COBL: variants seen among roughly 807,000 people sequenced by gnomAD.
COBL encodes protein cordon-bleu.
COBL carries 51 observed loss-of-function variants against 98.8 expected under a neutral mutation model. That is an observed-to-expected ratio of 0.52 (90% CI 0.41 to 0.65). COBL has a LOEUF of 0.65. Ranked by LOEUF, COBL falls within the 30% of genes least tolerant of loss-of-function variation. COBL has a pLI of 0.00. For synonymous variants in COBL, 634 were observed against 651.7 expected, an observed-to-expected ratio of 0.97 and a Z score of 0.41; for missense variants, 1,617 against 1,617.5, an observed-to-expected ratio of 1.00 and a Z score of 0.01.
Position 51,029,546 on chromosome 7 carries a change from G to C in COBL, c.1550C>G (p.Ser517Cys), listed in dbSNP as rs770351240. The C allele has an allele frequency of 6.2e-7, 1 of 1,610,638 alleles. No individual in the cohort carries two copies. Among genetic ancestry groups the C allele is most frequent in the East Asian group, 2.2e-5 (1 of 44,758 alleles). Residue 517 changes from serine (S) to cysteine (C), a missense_variant, in exon 10 of 13, where the codon TCC (serine) becomes TGC (cysteine). Ser to Cys is a moderately radical substitution (Grantham distance 112). This residue lies in a region of COBL where 1,304 missense variants were observed against 1,282.0 expected (regional missense o/e 1.02). Transcript: ENST00000265136. ...YETDTSSLTS[S>C]IHGASNHCPQ... ...GCAGTGGTTGGATGCACCATGGATG[G>C]AGCTGGTGAGGGAGCTGGTGTCTGT... is the stretch of plus-strand genomic sequence containing the variant.
intron 6 of COBL, among the ~76,000 whole-genome samples, chr7:51,087,327 A>G (rs1183278133): frequency 6.6e-6 from 1 of 152,182 alleles, no homozygotes; most frequent in African/African-American, 2.4e-5. Flanking sequence ...TGTATAATGT[A>G]TATCATAATT....
At chr7:51,067,812 T>G (rs1353410394) in intron 7 of COBL, among the ~76,000 whole-genome samples, 1 of 152,228 alleles carries the variant, frequency 6.6e-6, no homozygotes, top group East Asian at 1.9e-4. Flanking sequence ...TATGTTTCTT[T>G]CCATTCTCTT....
chr7:51,118,595 G>C (rs1366085849), intron 6 of COBL, among the ~76,000 whole-genome samples: 1 of 151,866 alleles, frequency 6.6e-6, no homozygotes, highest in South Asian at 2.1e-4. Context: ...TCAAGGAGAA[G>C]GGCTCATACA....
At chr7:51,041,478 CTTTTTT>C (rs773830122) in intron 8 of COBL, among the ~76,000 whole-genome samples, 20 of 80,026 alleles carry the variant, frequency 2.5e-4, no homozygotes, top group South Asian at 5.5e-4. Flanking sequence ...TATTTCTTTC[CTTTTTT>C]TTTTTTTTTT....
intron 1 of COBL, among the ~76,000 whole-genome samples, chr7:51,282,836 A>G (rs61582481): frequency 0.014 from 2,165 of 152,264 alleles, 42 homozygotes; most frequent in African/African-American, 0.049. Flanking sequence ...AAAAAATTAC[A>G]AGGCATACAA....
chr7:51,290,981 T>C (rs1044340941), intron 1 of COBL, among the ~76,000 whole-genome samples: 11 of 152,188 alleles, frequency 7.2e-5, no homozygotes, highest in Admixed American at 1.3e-4. Context: ...CCACGTCTTC[T>C]TTAGGTCTCC....
intron 5 of COBL, chr7:51,156,472 T>G: frequency 1.0e-6 from 1 of 985,086 alleles, no homozygotes; most frequent in Non-Finnish European, 1.2e-6. Context: ...CCCAGAATTA[T>G]TCAGTTTTAT....
chr7:51,298,474 C>G (rs2129198891), intron 1 of COBL, among the ~76,000 whole-genome samples: 1 of 152,354 alleles, frequency 6.6e-6, no homozygotes, highest in Middle Eastern at 3.4e-3. Flanking sequence ...CATTCTCCAC[C>G]ATTTCTGAGC....
At chr7:51,148,486 T>C (rs559952580) in intron 5 of COBL, among the ~76,000 whole-genome samples, 298 of 152,346 alleles carry the variant, frequency 2.0e-3, no homozygotes, top group African/African-American at 6.4e-3. Context: ...ATCTTCTCTC[T>C]GACACAGCGG....
chr7:51,016,586 T>G lies in COBL; in HGVS notation c.*965A>C. 1 of 204,282 alleles carries G rather than the reference T, an allele frequency of 4.9e-6. No individual in the cohort carries two copies. The highest frequency in any genetic ancestry group is 1.9e-4 in the South Asian group (1 of 5,288). 12.7% of individuals were successfully genotyped at this position (204,282 alleles called of 1,614,324 possible). On this transcript the variant is annotated 3_prime_UTR_variant, in exon 13 of 13. Coordinates refer to ENST00000265136, the MANE Select transcript of COBL (RefSeq NM_015198.5). ...TATCATACAAAGGGAGCCAATGAGC[T>G]GTTGGACAAACGCGTCAAGGCTGAA... is the stretch of plus-strand genomic sequence containing the variant.
chr7:51,273,818 T>C (rs1331345567), intron 1 of COBL, among the ~76,000 whole-genome samples: 1 of 152,192 alleles, frequency 6.6e-6, no homozygotes, highest in East Asian at 1.9e-4. Flanking sequence ...ACTTAAACAC[T>C]TCAGTGTTTT....
Position 51,279,485 on chromosome 7 carries a change from C to T in COBL, c.41+37108G>A, listed in dbSNP as rs540322429. On this transcript the variant is annotated intron_variant, in intron 1 of 12. Coordinates refer to ENST00000265136, the MANE Select transcript of COBL (RefSeq NM_015198.5). ...TCTAAAATAGACTTTTTTCTTTTAG[C>T]AGTTTTAAGTTCAAAGCAAAGTTGA... Among the ~76,000 whole-genome samples the T allele has an allele frequency of 1.2e-4, 18 of 152,176 alleles. 2 individuals are homozygous for T. The South Asian group carries it at 3.7e-3, about 32-fold the overall frequency.
chr7:51,158,986 C>T (rs772797006), intron 5 of COBL, among the ~76,000 whole-genome samples: 7 of 151,942 alleles, frequency 4.6e-5, no homozygotes, highest in Admixed American at 2.6e-4. Flanking sequence ...CCCCAAGGGC[C>T]GACCCTGGGA....
At chr7:51,134,484 C>T (rs191215305) in intron 6 of COBL, among the ~76,000 whole-genome samples, 9 of 152,264 alleles carry the variant, frequency 5.9e-5, no homozygotes, top group African/African-American at 2.2e-4. Flanking sequence ...TGGGTAAGCA[C>T]ATTAAATGCA....
intron 6 of COBL, among the ~76,000 whole-genome samples, chr7:51,125,571 A>C (rs1173627240): frequency 1.3e-5 from 2 of 152,212 alleles, no homozygotes; most frequent in Admixed American, 6.5e-5. Flanking sequence ...TCTGTTTTAC[A>C]AACTGTCATG....
intron 6 of COBL, among the ~76,000 whole-genome samples, chr7:51,093,935 C>T (rs1053155037): frequency 6.6e-6 from 1 of 150,714 alleles, no homozygotes; most frequent in African/African-American, 2.4e-5. Flanking sequence ...TATAGAATTA[C>T]CCTAAGTGGC....
At chr7:51,286,219 T>C (rs1430657155) in intron 1 of COBL, among the ~76,000 whole-genome samples, 4 of 150,620 alleles carry the variant, frequency 2.7e-5, no homozygotes, top group Non-Finnish European at 5.9e-5. Context: ...GGTGCCTAAA[T>C]CATGTCTAGA....
chr7:51,173,183 T>C (rs190678520), intron 5 of COBL, among the ~76,000 whole-genome samples: 1,947 of 152,156 alleles, frequency 0.013, 41 homozygotes, highest in African/African-American at 0.045. Flanking sequence ...AAGTTTTTTG[T>C]TTTTTGTTTT....
intron 6 of COBL, among the ~76,000 whole-genome samples, chr7:51,095,692 G>A (rs2128955829): frequency 6.6e-6 from 1 of 151,966 alleles, no homozygotes; most frequent in African/African-American, 2.4e-5. Flanking sequence ...GTAAAAGGAG[G>A]GAAAAAGATA....
Sources: gnomAD v4.1 joint callset for allele counts (sites outside exome capture counted in the v4.1 genomes callset) on GRCh38, gnomAD v4.1.1 for gene constraint, gnomAD v4.1.1 regional missense constraint, MANE v1.5 for transcripts, NCBI Gene and HGNC (gene_info 2026-07-23, HGNC 2026-07-21) for gene names.